Variants in SPIDR observed in about 807,000 individuals in gnomAD.
SPIDR encodes the protein DNA repair-scaffolding protein.
SPIDR carries 93 observed loss-of-function variants against 104.6 expected under a neutral mutation model. The observed-to-expected ratio is 0.89, with a 90% CI of 0.75 to 1.06. The LOEUF is 1.06. Ranked by LOEUF, SPIDR falls within the 50% of genes least tolerant of loss-of-function variation. SPIDR has a pLI of 0.00. For synonymous variants in SPIDR, 431 were observed against 416.9 expected (o/e 1.03, Z -0.41); for missense variants, 1,154 against 1,111.2 (o/e 1.04, Z -0.55).
Position 47,713,517 on chromosome 8 carries a change from C to G in SPIDR, c.2217C>G (p.Val739=). ...GGATTGTTTGTGCTGAACGAACTGT[C>G]CTCTTGCTTCAGAAGCCCCTTTTGA... ...QGRIVCAERT[V]LLLQKPLLSV... is the part of the protein sequence containing the mutation. Residue 739 remains valine, a synonymous_variant, in exon 16 of 20, where the codon GTC becomes GTG. Coordinates refer to ENST00000297423, the MANE Select transcript of SPIDR (RefSeq NM_001080394.4). The G allele has an allele frequency of 6.2e-7, 1 of 1,614,156 alleles. No homozygotes were observed. The highest frequency in any genetic ancestry group is 8.5e-7 in the Non-Finnish European group (1 of 1,180,032).
At chr8:47,592,802 G>A (rs556121433) in intron 8 of SPIDR, among the ~76,000 whole-genome samples, 4 of 152,176 alleles carry the variant, frequency 2.6e-5, no homozygotes, top group Non-Finnish European at 4.4e-5. Flanking sequence ...GAGTAGGAAA[G>A]CCTCTTGTAT....
At chr8:47,576,102 T>C (rs541133528) in intron 8 of SPIDR, among the ~76,000 whole-genome samples, 1 of 151,586 alleles carries the variant, frequency 6.6e-6, no homozygotes, top group African/African-American at 2.4e-5. Context: ...CTTTGAAGAA[T>C]AATAAACATT....
At chr8:47,401,376 A>T (rs2061860943) in intron 6 of SPIDR, among the ~76,000 whole-genome samples, 1 of 152,208 alleles carries the variant, frequency 6.6e-6, no homozygotes, top group African/African-American at 2.4e-5. Context: ...CACTGCAAAA[A>T]CATGCCAAAT....
At chr8:47,446,407 T>C (rs2070620449) in intron 8 of SPIDR, among the ~76,000 whole-genome samples, 1 of 152,176 alleles carries the variant, frequency 6.6e-6, no homozygotes. Flanking sequence ...AAAAATTTTC[T>C]TTTAAAATAC....
intron 8 of SPIDR, among the ~76,000 whole-genome samples, chr8:47,576,734 A>G (rs2059172972): frequency 6.6e-6 from 1 of 152,246 alleles, no homozygotes; most frequent in African/African-American, 2.4e-5. Context: ...ACACCTGGCC[A>G]TAAATATCAT....
chr8:47,552,401 A>G (rs1309078335), intron 8 of SPIDR, among the ~76,000 whole-genome samples: 1 of 152,104 alleles, frequency 6.6e-6, no homozygotes, highest in East Asian at 1.9e-4. Context: ...ATTGTGTGGG[A>G]GTCTAAGTCT....
intron 5 of SPIDR, among the ~76,000 whole-genome samples, chr8:47,323,663 T>C (rs1554598329): frequency 6.6e-6 from 1 of 152,140 alleles, no homozygotes; most frequent in Admixed American, 6.5e-5. Context: ...CATAGTTGCT[T>C]TGAAGATTGG....
At chr8:47,455,299 T>C (rs572068680) in intron 8 of SPIDR, among the ~76,000 whole-genome samples, 7 of 152,210 alleles carry the variant, frequency 4.6e-5, no homozygotes, top group Non-Finnish European at 8.8e-5. Context: ...GTTAGTATTA[T>C]TCAAAGGATG....
intron 14 of SPIDR, among the ~76,000 whole-genome samples, chr8:47,711,376 G>C (rs1264619267): frequency 6.6e-6 from 1 of 152,058 alleles, no homozygotes; most frequent in African/African-American, 2.4e-5. Context: ...ATGGCATCTT[G>C]CTATGTTCAC....
chr8:47,602,708 C>G (rs995870567), intron 10 of SPIDR, among the ~76,000 whole-genome samples: 1 of 152,182 alleles, frequency 6.6e-6, no homozygotes, highest in African/African-American at 2.4e-5. Context: ...AACAGCTTAT[C>G]TTCTGAAAGC....
At position 47,483,192 on chromosome 8, in the gene SPIDR, C is replaced by T. The variant is rs925803568; in HGVS notation, c.1097+42650C>T. On this transcript the variant is annotated intron_variant, in intron 8 of 19. Coordinates refer to ENST00000297423, the MANE Select transcript of SPIDR (RefSeq NM_001080394.4). ...GTTTGTGTGTGTGTCTTTTATTTTACGCTTGGGGTTGTCTTTTTAAAACTT... is the reference window on the plus strand; with the variant it reads ...GTTTGTGTGTGTGTCTTTTATTTTATGCTTGGGGTTGTCTTTTTAAAACTT... Among the ~76,000 whole-genome samples, 64 of 152,066 alleles carry T rather than the reference C, an allele frequency of 4.2e-4. 1 individual carries two copies. Among genetic ancestry groups the T allele is most frequent in the African/African-American group, 1.4e-3 (60 of 41,456 alleles).
chr8:47,460,366 C>T (rs1260057192), intron 8 of SPIDR, among the ~76,000 whole-genome samples: 1 of 152,140 alleles, frequency 6.6e-6, no homozygotes, highest in Non-Finnish European at 1.5e-5. Context: ...TCGTTTTGGA[C>T]AAGGCCTTTT....
At chr8:47,695,519 A>G (rs951945517) in intron 11 of SPIDR, among the ~76,000 whole-genome samples, 1 of 152,178 alleles carries the variant, frequency 6.6e-6, no homozygotes, top group Non-Finnish European at 1.5e-5. Flanking sequence ...ATCCACACCC[A>G]AAAGAAAGTG....
chr8:47,659,644 T>C (rs1338268021), intron 10 of SPIDR: 13 of 490,306 alleles, frequency 2.7e-5, no homozygotes, highest in Non-Finnish European at 3.2e-5. Flanking sequence ...GCCCTCGCTC[T>C]GGCCCTTCTC....
chr8:47,495,988 T>C (rs1309730837), intron 8 of SPIDR, among the ~76,000 whole-genome samples: 1 of 152,202 alleles, frequency 6.6e-6, no homozygotes, highest in Non-Finnish European at 1.5e-5. Context: ...TCATATTGTC[T>C]GATCATATAG....
intron 14 of SPIDR, among the ~76,000 whole-genome samples, chr8:47,711,843 A>G (rs1262020603): frequency 6.6e-6 from 1 of 152,218 alleles, no homozygotes; most frequent in Non-Finnish European, 1.5e-5. Flanking sequence ...CTTCCTGTAT[A>G]TAATCAACCT....
At chr8:47,304,734 G>A (rs1686213090) in intron 5 of SPIDR, among the ~76,000 whole-genome samples, 1 of 152,122 alleles carries the variant, frequency 6.6e-6, no homozygotes, top group African/African-American at 2.4e-5. Context: ...GTTAAACCTC[G>A]TCTTTTATAA....
At chr8:47,575,345 T>C (rs1329222631) in intron 8 of SPIDR, among the ~76,000 whole-genome samples, 2 of 152,150 alleles carry the variant, frequency 1.3e-5, no homozygotes, top group Non-Finnish European at 2.9e-5. Context: ...TTAACTTCTG[T>C]AGTTAAGAAA....
At chr8:47,652,654 A>C (rs181093211) in intron 10 of SPIDR, among the ~76,000 whole-genome samples, 18 of 152,338 alleles carry the variant, frequency 1.2e-4, no homozygotes, top group African/African-American at 4.3e-4. Context: ...ATTGTTTCTA[A>C]AACAGGTTTT....
Sources: allele counts gnomAD v4.1 joint callset (sites outside exome capture counted in the v4.1 genomes callset), GRCh38; gene constraint gnomAD v4.1.1; transcripts MANE v1.5; gene names NCBI Gene and HGNC (gene_info 2026-07-23, HGNC 2026-07-21).